Variants in MS4A15 observed in about 807,000 individuals in gnomAD.
MS4A15 encodes membrane spanning 4-domains A15, also known as membrane-spanning 4-domains subfamily A member 15.
In MS4A15, 22 loss-of-function variants were observed where a neutral mutation model predicts 20.6. The observed-to-expected ratio is 1.07, with a 90% CI of 0.76 to 1.52. The LOEUF (loss-of-function observed/expected upper bound fraction) is 1.52, where lower values mean the gene tolerates loss of function less well. Among genes scored for constraint, MS4A15 ranks in the 40% most tolerant of loss-of-function variants. The pLI is 0.00. For synonymous variants in MS4A15, 129 were observed against 129.3 expected, an observed-to-expected ratio of 1.00 and a Z score of 0.02; for missense variants, 312 against 323.0, an observed-to-expected ratio of 0.97 and a Z score of 0.26.
Position 60,763,902 on chromosome 11 carries a change from C to G in MS4A15, c.169C>G (p.Pro57Ala). ...LGAQTPRATQ[P>A]PDLRPVETFL... ...GGCACAGACACCAAGGGCCACACAG[C>G]CACCTGACTTGCGGCCCGTGGAGAC... is the stretch of plus-strand genomic sequence containing the variant. The change falls in exon 2 of 7, where the codon CCA becomes GCA. Residue 57 changes from proline to alanine, a missense_variant. By Grantham distance (27) the Pro-to-Ala change is conservative. Coordinates refer to ENST00000405633, the MANE Select transcript of MS4A15 (RefSeq NM_001098835.2). 6.2e-7 allele frequency: 1 copy of G among 1,613,176 alleles called. No homozygotes were observed. Among genetic ancestry groups the G allele is most frequent in the South Asian group, 1.1e-5 (1 of 91,038 alleles).
chr11:60,770,837 G>A (rs1854015765), intron 3 of MS4A15, among the ~76,000 whole-genome samples: 1 of 151,714 alleles, frequency 6.6e-6, no homozygotes, highest in South Asian at 2.1e-4. Flanking sequence ...TCCCGAGTAG[G>A]TGGGATTACA....
intron 2 of MS4A15, among the ~76,000 whole-genome samples, chr11:60,767,324 T>C (rs1853906933): frequency 6.6e-6 from 1 of 152,220 alleles, no homozygotes; most frequent in Non-Finnish European, 1.5e-5. Flanking sequence ...CTGTGCTTTG[T>C]GGGTCCCGTA....
rs753312167 is a variant in MS4A15, at chr11:60,773,423, G to A, written c.437G>A (p.Ser146Asn). 1 of 1,613,660 alleles carries A rather than the reference G, an allele frequency of 6.2e-7. No homozygotes were observed. The highest frequency in any genetic ancestry group is 1.1e-5 in the South Asian group (1 of 91,002). The part of the protein sequence containing the change: ...VRSSLGTNIL[S>N]VMAAFAGTAI... ...AGCAGCCTGGGCACCAACATCCTCA[G>A]CGTCATGGCGGCCTTTGCTGGGACA... The change falls in exon 5 of 7, where the codon AGC (serine) becomes AAC (asparagine). Residue 146 changes from serine (S) to asparagine (N), a missense_variant. Coordinates refer to ENST00000405633, the MANE Select transcript of MS4A15 (RefSeq NM_001098835.2).
chr11:60,773,957 A>AC lies in MS4A15; in HGVS notation c.612+12dup, dbSNP rs1314169558. On this transcript the variant is annotated splice_region_variant and intron_variant, in intron 6 of 6. Coordinates refer to ENST00000405633, the MANE Select transcript of MS4A15 (RefSeq NM_001098835.2). Reference sequence around the variant, plus strand: ...CCATGCCCAGGCCAGTGCAGTGAGTACCCCCACCCCCACCCCCACGTCCAC... The same window carrying AC: ...CCATGCCCAGGCCAGTGCAGTGAGTACCCCCCACCCCCACCCCCACGTCCAC... 1.3e-6 allele frequency: 2 copies of AC among 1,569,656 alleles called. No individual in the cohort carries two copies. Among genetic ancestry groups the AC allele is most frequent in the South Asian group, 1.1e-5 (1 of 90,042 alleles).
At chr11:60,764,289 C>G (rs1371633280) in intron 2 of MS4A15, among the ~76,000 whole-genome samples, 1 of 152,114 alleles carries the variant, frequency 6.6e-6, no homozygotes, top group African/African-American at 2.4e-5. Flanking sequence ...TGAAGCCAGC[C>G]AAGGGAATAG....
In MS4A15 at chr11:60,773,494, C is replaced by A; in HGVS notation, c.498+10C>A. On this transcript the variant is annotated intron_variant, in intron 5 of 6. Coordinates refer to ENST00000405633, the MANE Select transcript of MS4A15 (RefSeq NM_001098835.2). ...TGGTGTTACCAACCGGGTGCGTTGTCAGATGGCCCTCGGGGTGGGAAAACT... is the reference window on the plus strand; with the variant it reads ...TGGTGTTACCAACCGGGTGCGTTGTAAGATGGCCCTCGGGGTGGGAAAACT... 1.2e-6 allele frequency: 2 copies of A among 1,612,582 alleles called. No individual in the cohort carries two copies. The highest frequency in any genetic ancestry group is 2.2e-5 in the South Asian group (2 of 91,016).
At chr11:60,759,972 T>C (rs1478831907) in intron 1 of MS4A15, among the ~76,000 whole-genome samples, 2 of 152,168 alleles carry the variant, frequency 1.3e-5, no homozygotes, top group African/African-American at 4.8e-5. Flanking sequence ...CCGGTGCAGT[T>C]CCTCGCATGC....
At chr11:60,772,448 T>G (rs1428816302) in intron 4 of MS4A15, among the ~76,000 whole-genome samples, 1 of 152,180 alleles carries the variant, frequency 6.6e-6, no homozygotes, top group East Asian at 1.9e-4. Flanking sequence ...CCCCGGGCTG[T>G]GAGCTCCAGG....
chr11:60,768,750 A>G (rs1853947611), intron 3 of MS4A15, among the ~76,000 whole-genome samples: 1 of 152,228 alleles, frequency 6.6e-6, no homozygotes, highest in Admixed American at 6.5e-5. Context: ...TAACGCTAAA[A>G]TTCTGCACCA....
At chr11:60,769,396 A>G (rs892717105) in intron 3 of MS4A15, among the ~76,000 whole-genome samples, 3 of 152,186 alleles carry the variant, frequency 2.0e-5, no homozygotes, top group Non-Finnish European at 4.4e-5. Context: ...CCAGAATTCC[A>G]GGATGGTGGA....
At chr11:60,760,814 C>T (rs534590752) in intron 1 of MS4A15, among the ~76,000 whole-genome samples, 4 of 152,264 alleles carry the variant, frequency 2.6e-5, no homozygotes, top group Non-Finnish European at 5.9e-5. Flanking sequence ...ATTGGAGAAT[C>T]GACTGACAAT....
intron 2 of MS4A15, among the ~76,000 whole-genome samples, chr11:60,766,790 C>G (rs1056297435): frequency 3.3e-5 from 5 of 152,218 alleles, no homozygotes; most frequent in African/African-American, 1.2e-4. Flanking sequence ...ATAAAAGGAC[C>G]ATGCTGGTTT....
intron 6 of MS4A15, 132 bp downstream of exon 6, chr11:60,774,082 C>T (rs192264485): frequency 3.9e-5 from 27 of 695,236 alleles, no homozygotes; most frequent in Admixed American, 1.3e-4. Flanking sequence ...GAAGAGACAG[C>T]GCTAGGAAGG....
At chr11:60,758,398 C>A (rs1237971831) in intron 1 of MS4A15, among the ~76,000 whole-genome samples, 7 of 152,222 alleles carry the variant, frequency 4.6e-5, no homozygotes, top group African/African-American at 1.7e-4. Flanking sequence ...GGCTACCAAA[C>A]TTCTTATGTT....
chr11:60,764,484 A>G (rs1205154963), intron 2 of MS4A15, among the ~76,000 whole-genome samples: 2 of 152,266 alleles, frequency 1.3e-5, no homozygotes, highest in Non-Finnish European at 2.9e-5. Flanking sequence ...CTGAAGGCAC[A>G]TGAAGGATTT....
chr11:60,765,436 G>A (rs530055870), intron 2 of MS4A15, among the ~76,000 whole-genome samples: 7 of 152,124 alleles, frequency 4.6e-5, no homozygotes, highest in Admixed American at 4.6e-4. Flanking sequence ...AGGTGAAGAT[G>A]ATGACAGCTC....
chr11:60,761,525 T>A (rs770589922), intron 1 of MS4A15, among the ~76,000 whole-genome samples: 17 of 152,202 alleles, frequency 1.1e-4, no homozygotes, highest in Non-Finnish European at 2.4e-4. Flanking sequence ...GGCACCTTAC[T>A]TGATTGGAGT....
At chr11:60,767,434 C>G in intron 2 of MS4A15, 99 bp from the exon 3 acceptor site, 1 of 1,346,160 alleles carries the variant, frequency 7.4e-7, no homozygotes, top group South Asian at 1.7e-5. Flanking sequence ...CAGTGGCCAA[C>G]AAGCGGGAGG....
At chr11:60,766,565 G>C (rs1048912988) in intron 2 of MS4A15, among the ~76,000 whole-genome samples, 3 of 152,156 alleles carry the variant, frequency 2.0e-5, no homozygotes, top group Admixed American at 6.5e-5. Flanking sequence ...ATCTAAGGAA[G>C]GGGAGCAACG....
Sources: allele counts gnomAD v4.1 joint callset (sites outside exome capture counted in the v4.1 genomes callset), GRCh38; gene constraint gnomAD v4.1.1; transcripts MANE v1.5; gene names NCBI Gene and HGNC (gene_info 2026-07-23, HGNC 2026-07-21).